Variants in NLGN1 observed in about 807,000 individuals in gnomAD.
NLGN1 encodes neuroligin 1.
A neutral mutation model predicts 65.5 loss-of-function variants in NLGN1; 12 were observed. The ratio of observed to expected loss-of-function variants is 0.18; its 90% CI spans 0.12 to 0.30. The LOEUF (loss-of-function observed/expected upper bound fraction) is 0.30. NLGN1 is among the 10% of genes least tolerant of loss of function. The probability of loss-of-function intolerance (pLI) is 1.00; values close to 1 mark genes in which losing one functional copy is unlikely to be tolerated. For missense variants in NLGN1, 750 were observed against 1,007.1 expected (o/e 0.74, Z 3.46); for synonymous variants, 350 against 359.5 (o/e 0.97, Z 0.30).
chr3:173,782,159 G>C (rs943922920), intron 3 of NLGN1, among the ~76,000 whole-genome samples: 3 of 151,922 alleles, frequency 2.0e-5, no homozygotes, highest in African/African-American at 7.3e-5. Context: ...GGGCAAATTA[G>C]ACACGAAATC....
In NLGN1 at chr3:173,807,591, C is replaced by G. The variant is rs982452463; in HGVS notation, c.494-89C>G. 3.5e-6 allele frequency: 5 copies of G among 1,431,666 alleles called. 1 individual carries two copies. The highest frequency in any genetic ancestry group is 2.9e-5 in the African/African-American group (2 of 69,976). 88.7% of individuals were successfully genotyped at this position (1,431,666 alleles called of 1,614,324 possible). A position where few individuals can be genotyped will look rare whatever the true frequency, so the allele number is the denominator to read the frequency against. On this transcript the variant is annotated intron_variant, in intron 3 of 6. Coordinates refer to ENST00000457714, the Ensembl canonical transcript of NLGN1. ...TTAAGAACTATATTGAAATTATGCC[C>G]TCTTTTCACTAAGATGGAAAATGTA... is the stretch of plus-strand genomic sequence containing the variant.
chr3:173,523,147 G>A (rs1735046524), intron 2 of NLGN1, among the ~76,000 whole-genome samples: 1 of 145,384 alleles, frequency 6.9e-6, no homozygotes, highest in South Asian at 2.3e-4. Context: ...TTGTTATTGA[G>A]ATGTTTGAAT....
intron 2 of NLGN1, among the ~76,000 whole-genome samples, chr3:173,513,633 A>C (rs1352979891): frequency 2.0e-5 from 3 of 152,218 alleles, no homozygotes; most frequent in Non-Finnish European, 4.4e-5. Flanking sequence ...CAAAGTAGAA[A>C]CCAAAAGTCC....
intron 3 of NLGN1, among the ~76,000 whole-genome samples, chr3:173,633,774 A>G (rs1399878395): frequency 1.3e-5 from 2 of 151,706 alleles, no homozygotes; most frequent in Non-Finnish European, 2.9e-5. Flanking sequence ...AAAAAACAAA[A>G]CTCCCCGATT....
At chr3:174,238,107 G>A (rs551700672) in intron 4 of NLGN1, among the ~76,000 whole-genome samples, 2 of 152,200 alleles carry the variant, frequency 1.3e-5, no homozygotes, top group Admixed American at 6.5e-5. Flanking sequence ...CTGGAATAAG[G>A]ACAGTTCTTT....
At chr3:173,563,346 C>A (rs1743088917) in intron 2 of NLGN1, among the ~76,000 whole-genome samples, 1 of 152,140 alleles carries the variant, frequency 6.6e-6, no homozygotes, top group African/African-American at 2.4e-5. Flanking sequence ...TTGAGAGATG[C>A]CCCATCCTCA....
At chr3:173,929,518 T>C (rs1560654805) in intron 4 of NLGN1, among the ~76,000 whole-genome samples, 1 of 151,424 alleles carries the variant, frequency 6.6e-6, no homozygotes, top group Admixed American at 6.6e-5. Context: ...ATAGGTGTTA[T>C]GTGACTTTAG....
At chr3:174,248,130 A>G (rs1300017927) in intron 4 of NLGN1, among the ~76,000 whole-genome samples, 1 of 152,174 alleles carries the variant, frequency 6.6e-6, no homozygotes, top group Non-Finnish European at 1.5e-5. Context: ...GATGATAGAA[A>G]AGTAAAGGGA....
intron 4 of NLGN1, among the ~76,000 whole-genome samples, chr3:173,819,095 T>G (rs916544414): frequency 6.6e-6 from 1 of 152,162 alleles, no homozygotes; most frequent in African/African-American, 2.4e-5. Context: ...CTTGAACTAC[T>G]TACTCTGTAA....
chr3:174,128,287 A>G (rs1719399094), intron 4 of NLGN1, among the ~76,000 whole-genome samples: 1 of 152,304 alleles, frequency 6.6e-6, no homozygotes, highest in Non-Finnish European at 1.5e-5. Context: ...TTTAAGAGGT[A>G]ATTCATTTCT....
rs10546469 is a variant in NLGN1 at position 173,845,606 on chromosome 3, GGATAGATAGATA to G, written c.646+37807_646+37818del. Among the ~76,000 whole-genome samples, 555 of 147,040 alleles carry G rather than the reference GGATAGATAGATA, an allele frequency of 3.8e-3. 1 individual carries two copies. Among genetic ancestry groups the G allele is most frequent in the African/African-American group, 5.8e-3 (229 of 39,796 alleles). The stretch of plus-strand genomic sequence containing the variant: ...TGGATAGACAGATAGGTAGGTGGAT[GGATAGATAGATA>G]GATAGATAGATAGATAGATAGATAG... On this transcript the variant is annotated intron_variant, in intron 4 of 6. Transcript: ENST00000457714.
chr3:174,181,345 C>T (rs192321015), intron 4 of NLGN1, among the ~76,000 whole-genome samples: 1 of 152,238 alleles, frequency 6.6e-6, no homozygotes, highest in East Asian at 1.9e-4. Context: ...TTTAATGACT[C>T]ATTGTGGGAG....
Position 174,280,522 on chromosome 3 carries a change from A to G in NLGN1, c.1691A>G (p.His564Arg), listed in dbSNP as rs1158435865. 3.1e-6 allele frequency: 5 copies of G among 1,612,036 alleles called. No homozygotes were observed. The highest frequency in any genetic ancestry group is 4.2e-6 in the Non-Finnish European group (5 of 1,179,022). The change falls in exon 7 of 7, where the codon CAT becomes CGT. Residue 564 changes from histidine to arginine, a missense_variant. Coordinates refer to ENST00000457714, the Ensembl canonical transcript of NLGN1. The surrounding 1 kb of genome is among the most constrained non-coding windows in gnomAD (Gnocchi z 4.9). The stretch of plus-strand genomic sequence containing the variant: ...GTCCCTCAAGACACGAAATTCATTC[A>G]TACCAAACCCAACCGTTTTGAAGAA...
At chr3:173,859,052 C>A (rs1381984726) in intron 4 of NLGN1, among the ~76,000 whole-genome samples, 1 of 151,978 alleles carries the variant, frequency 6.6e-6, no homozygotes, top group Admixed American at 6.6e-5. Flanking sequence ...TACCCTACTT[C>A]AATATAGTTT....
chr3:173,734,494 T>C (rs1773422647), intron 3 of NLGN1, among the ~76,000 whole-genome samples: 1 of 143,302 alleles, frequency 7.0e-6, no homozygotes, highest in Non-Finnish European at 1.5e-5. Context: ...ACCCCTGGGC[T>C]CAAGTCGTTC....
At chr3:173,432,706 A>AT (rs552449342) in intron 1 of NLGN1, among the ~76,000 whole-genome samples, 4 of 151,344 alleles carry the variant, frequency 2.6e-5, no homozygotes, top group Admixed American at 6.6e-5. Flanking sequence ...TGTCTTTTGC[A>AT]TTTTTTTTAT....
rs7628168 is a variant in NLGN1 at position 173,530,556 on chromosome 3, C to A, written c.-320-73723C>A. Among the ~76,000 whole-genome samples, 1,464 of 152,240 alleles carry A rather than the reference C, an allele frequency of 9.6e-3. 25 individuals are homozygous for A. The highest frequency in any genetic ancestry group is 0.034 in the African/African-American group (1,403 of 41,530). ...AGTTAAATTACTTACAGATATTTAA[C>A]CATATGAGTGAATTAAAAATTTTCA... On this transcript the variant is annotated intron_variant, in intron 2 of 6. Coordinates refer to ENST00000457714, the Ensembl canonical transcript of NLGN1.
At chr3:173,826,410 A>G (rs998707919) in intron 4 of NLGN1, among the ~76,000 whole-genome samples, 1 of 151,966 alleles carries the variant, frequency 6.6e-6, no homozygotes, top group Non-Finnish European at 1.5e-5. Flanking sequence ...ATACAGCTAC[A>G]CTTAACTGCA....
At chr3:173,439,163 A>G (rs1229857191) in intron 2 of NLGN1, among the ~76,000 whole-genome samples, 3 of 152,184 alleles carry the variant, frequency 2.0e-5, no homozygotes, top group African/African-American at 7.2e-5. Flanking sequence ...TGCACAAGGG[A>G]AGAATTTTTT....
Sources: gnomAD v4.1 joint callset for allele counts (sites outside exome capture counted in the v4.1 genomes callset) on GRCh38, gnomAD v4.1.1 for gene constraint, Gnocchi (gnomAD v3.1) non-coding constraint, MANE v1.5 for transcripts, NCBI Gene and HGNC (gene_info 2026-07-23, HGNC 2026-07-21) for gene names.